The following TTC7B variants were observed in gnomAD, a reference collection of about 807,000 sequenced individuals.
The protein encoded by TTC7B is tetratricopeptide repeat protein 7B.
Under a neutral mutation model 106.8 loss-of-function variants are expected in TTC7B, and 28 were observed. That is an observed-to-expected ratio of 0.26 (90% CI 0.19 to 0.36). The LOEUF is 0.36. Among genes scored for constraint, TTC7B ranks in the 10% least tolerant of loss-of-function variants. TTC7B has a pLI of 1.00. For synonymous variants in TTC7B, 405 were observed against 430.6 expected (o/e 0.94, Z 0.74); for missense variants, 862 against 1,076.4 (o/e 0.80, Z 2.79).
intron 9 of TTC7B, among the ~76,000 whole-genome samples, chr14:90,662,283 A>C (rs1227409608): frequency 2.0e-5 from 3 of 152,184 alleles, no homozygotes. Context: ...CGTTCCAAGC[A>C]ACCTGAGTGA....
At chr14:90,601,872 T>C (rs1892438504) in intron 17 of TTC7B, 1 of 288,654 alleles carries the variant, frequency 3.5e-6, no homozygotes, top group Non-Finnish European at 6.8e-6. Flanking sequence ...TTTTTACAGA[T>C]GAGGAAATGA....
chr14:90,786,909 A>C (rs930167646), intron 1 of TTC7B, among the ~76,000 whole-genome samples: 7 of 152,128 alleles, frequency 4.6e-5, no homozygotes, highest in African/African-American at 1.7e-4. Context: ...ACGTGGAGAG[A>C]GTTCAAGTTC....
At chr14:90,702,547 T>TG (rs75786425) in intron 5 of TTC7B, among the ~76,000 whole-genome samples, 35 of 152,356 alleles carry the variant, frequency 2.3e-4, no homozygotes, top group Non-Finnish European at 4.3e-4. Context: ...AAAAAACTTT[T>TG]GGAATTCTGG....
intron 19 of TTC7B, among the ~76,000 whole-genome samples, chr14:90,563,727 C>A (rs1043888408): frequency 6.6e-6 from 1 of 152,260 alleles, no homozygotes; most frequent in Non-Finnish European, 1.5e-5. Flanking sequence ...TCCTCTCTAA[C>A]CCTGCTGCTG....
At chr14:90,725,448 A>T (rs768730711) in intron 5 of TTC7B, among the ~76,000 whole-genome samples, 3 of 152,236 alleles carry the variant, frequency 2.0e-5, no homozygotes, top group Non-Finnish European at 2.9e-5. Context: ...TTCTAAGTCT[A>T]GGTTACACTG....
At chr14:90,589,986 C>A (rs2139818063) in intron 18 of TTC7B, among the ~76,000 whole-genome samples, 1 of 152,284 alleles carries the variant, frequency 6.6e-6, no homozygotes, top group East Asian at 1.9e-4. Context: ...TGTGCACTGA[C>A]CTACCAGGTG....
chr14:90,660,208 A>AC (rs920818176), intron 9 of TTC7B, among the ~76,000 whole-genome samples: 1 of 151,406 alleles, frequency 6.6e-6, no homozygotes, highest in African/African-American at 2.4e-5. Context: ...ACATAGCGAG[A>AC]CCCCTGTCTC....
intron 3 of TTC7B, among the ~76,000 whole-genome samples, chr14:90,778,819 C>T (rs538322246): frequency 4.6e-5 from 7 of 152,278 alleles, no homozygotes; most frequent in South Asian, 2.1e-4. Context: ...CCCATGGGGA[C>T]GTTTAGAAGA....
chr14:90,707,780 T>C (rs999212901), intron 5 of TTC7B, among the ~76,000 whole-genome samples: 2 of 152,144 alleles, frequency 1.3e-5, no homozygotes, highest in Non-Finnish European at 2.9e-5. Context: ...GTGAAGAAGA[T>C]GCAGAGGAAA....
chr14:90,712,315 T>C (rs983985464), intron 5 of TTC7B, among the ~76,000 whole-genome samples: 5 of 152,074 alleles, frequency 3.3e-5, no homozygotes, highest in African/African-American at 1.2e-4. Context: ...TAAATAGAAA[T>C]AAAAGGGATC....
In TTC7B at chr14:90,802,645, T is replaced by TGG. The variant is rs2030344410; in HGVS notation, c.121+13528_121+13529dup. Among the ~76,000 whole-genome samples, 1 of 152,126 alleles carries TGG rather than the reference T, an allele frequency of 6.6e-6. No homozygotes were observed. Among genetic ancestry groups the TGG allele is most frequent in the Non-Finnish European group, 1.5e-5 (1 of 68,008 alleles). ...CACATGGAACAGACACTTTGGAGCATGGGAATCCGACCTACTGAAGAGCGG... is the reference window on the plus strand; with the variant it reads ...CACATGGAACAGACACTTTGGAGCATGGGGGAATCCGACCTACTGAAGAGCGG... On this transcript the variant is annotated intron_variant, in intron 1 of 19. Transcript: ENST00000328459. The surrounding 1 kb of genome is among the most constrained non-coding windows in gnomAD (Gnocchi z 4.7).
At chr14:90,660,395 C>CAA (rs57030874) in intron 9 of TTC7B, among the ~76,000 whole-genome samples, 1,112 of 40,866 alleles carry the variant, frequency 0.027, 96 homozygotes, top group Middle Eastern at 0.15. Context: ...CACCCTGTCT[C>CAA]AAAAAAAAAA....
intron 19 of TTC7B, among the ~76,000 whole-genome samples, chr14:90,558,287 G>A (rs537650020): frequency 6.6e-6 from 1 of 152,352 alleles, no homozygotes; most frequent in African/African-American, 2.4e-5. Flanking sequence ...TCTCCATGGA[G>A]AGTGCCGGCT....
At chr14:90,656,303 T>C (rs1885944517) in intron 11 of TTC7B, among the ~76,000 whole-genome samples, 2 of 152,216 alleles carry the variant, frequency 1.3e-5, no homozygotes, top group Non-Finnish European at 2.9e-5. Flanking sequence ...AAATCCTTTT[T>C]ATTGCTAATC....
At chr14:90,753,102 G>A (rs1180708222) in intron 3 of TTC7B, among the ~76,000 whole-genome samples, 1 of 152,180 alleles carries the variant, frequency 6.6e-6, no homozygotes, top group Non-Finnish European at 1.5e-5. Flanking sequence ...GAACTGCATT[G>A]AAATGGACAG....
At chr14:90,607,231 G>T (rs142448069) in intron 17 of TTC7B, among the ~76,000 whole-genome samples, 1 of 152,152 alleles carries the variant, frequency 6.6e-6, no homozygotes, top group African/African-American at 2.4e-5. Flanking sequence ...GAGGACTTGC[G>T]GCCTCACAAA....
At chr14:90,796,504 A>G (rs1276960535) in intron 1 of TTC7B, among the ~76,000 whole-genome samples, 2 of 152,082 alleles carry the variant, frequency 1.3e-5, no homozygotes, top group Admixed American at 6.6e-5. Flanking sequence ...GGCCTCCTTG[A>G]TCCCCCCCAC....
chr14:90,796,642 C>G (rs111442840), intron 1 of TTC7B, among the ~76,000 whole-genome samples: 2,361 of 152,310 alleles, frequency 0.016, 24 homozygotes, highest in African/African-American at 0.026. Context: ...AGACTCTTCT[C>G]TATTCCTGGG....
At chr14:90,581,361 A>G (rs1032880853) in intron 18 of TTC7B, among the ~76,000 whole-genome samples, 1 of 152,202 alleles carries the variant, frequency 6.6e-6, no homozygotes, top group Non-Finnish European at 1.5e-5. Context: ...TCTGTCCTTT[A>G]GTTTGGACCA....
Sources: allele counts gnomAD v4.1 joint callset (sites outside exome capture counted in the v4.1 genomes callset), GRCh38; gene constraint gnomAD v4.1.1; non-coding constraint Gnocchi (gnomAD v3.1); transcripts MANE v1.5; gene names NCBI Gene and HGNC (gene_info 2026-07-23, HGNC 2026-07-21).